Variants in MRPS6 observed in about 807,000 individuals in gnomAD.
MRPS6 encodes small ribosomal subunit protein bS6m.
Under a neutral mutation model 13.1 loss-of-function variants are expected in MRPS6, and 6 were observed. That is an observed-to-expected ratio of 0.46 (90% CI 0.25 to 0.91). MRPS6 has a LOEUF of 0.91. MRPS6 is among the 40% of genes least tolerant of loss of function. The pLI, the probability that MRPS6 is intolerant of heterozygous loss-of-function variation, is 0.18. For synonymous variants in MRPS6, 61 were observed against 56.5 expected, an observed-to-expected ratio of 1.08 and a Z score of -0.36; for missense variants, 164 against 155.6, an observed-to-expected ratio of 1.05 and a Z score of -0.29.
intron 1 of MRPS6, chr21:34,099,409 A>T (rs1602934284): frequency 1.0e-6 from 1 of 1,000,224 alleles, no homozygotes; most frequent in South Asian, 4.7e-5. Flanking sequence ...TTTCAAAGGA[A>T]CTGTTCTTCC....
intron 1 of MRPS6, chr21:34,097,171 T>C (rs755529407): frequency 1.2e-6 from 2 of 1,613,984 alleles, no homozygotes; most frequent in South Asian, 2.2e-5. Context: ...TGGAAGTTCA[T>C]AGACTGGTTT....
intron 1 of MRPS6, among the ~76,000 whole-genome samples, chr21:34,093,091 T>G (rs1356751249): frequency 6.6e-6 from 1 of 152,260 alleles, no homozygotes; most frequent in Non-Finnish European, 1.5e-5. Flanking sequence ...TTAGATTTTA[T>G]TAAAAATTTA....
intron 1 of MRPS6, among the ~76,000 whole-genome samples, chr21:34,073,980 G>C (rs1316677895): frequency 6.8e-6 from 1 of 146,276 alleles, no homozygotes; most frequent in Non-Finnish European, 1.5e-5. Context: ...GCGCGGTCCG[G>C]GAGGGTGTGC....
rs1980944619 is a variant in MRPS6 at position 34,142,622 on chromosome 21, C to T, written c.*22C>T. 6.4e-7 allele frequency: 1 copy of T among 1,573,044 alleles called. No individual in the cohort carries two copies. Among genetic ancestry groups the T allele is most frequent in the African/African-American group, 1.4e-5 (1 of 73,262 alleles). ...GTGAGAAGATTCGCCAGATTTTAGC[C>T]TTATATGTAATTCCTTCACATTTGG... On this transcript the variant is annotated 3_prime_UTR_variant, in exon 3 of 3. Transcript: ENST00000399312.
intron 1 of MRPS6, among the ~76,000 whole-genome samples, chr21:34,075,345 G>A (rs751476334): frequency 1.2e-4 from 18 of 152,138 alleles, no homozygotes; most frequent in Non-Finnish European, 2.2e-4. Context: ...CTTTGTTTTT[G>A]CCATAGTTGC....
chr21:34,096,793 T>C lies in MRPS6; in HGVS notation c.45+23048T>C. On this transcript the variant is annotated intron_variant, in intron 1 of 2. Transcript: ENST00000399312. This position sits in a 1 kb window ranked among gnomAD's most constrained non-coding sequence, Gnocchi z 5.9. ...CTCATTACTGTAATTGTGAGCCTTCTCACACCACCTCCCACAAAGGAACAG... is the reference window on the plus strand; with the variant it reads ...CTCATTACTGTAATTGTGAGCCTTCCCACACCACCTCCCACAAAGGAACAG... 6.2e-7 allele frequency: 1 copy of C among 1,614,056 alleles called. No individual in the cohort carries two copies. Among genetic ancestry groups the C allele is most frequent in the Non-Finnish European group, 8.5e-7 (1 of 1,179,976 alleles).
intron 1 of MRPS6, among the ~76,000 whole-genome samples, chr21:34,094,691 T>G (rs1978884276): frequency 6.6e-6 from 1 of 152,258 alleles, no homozygotes; most frequent in African/African-American, 2.4e-5. Context: ...AAGTATCAGC[T>G]GTGATCATAT....
chr21:34,079,303 T>C (rs1407000307), intron 1 of MRPS6, among the ~76,000 whole-genome samples: 1 of 152,212 alleles, frequency 6.6e-6, no homozygotes, highest in Non-Finnish European at 1.5e-5. Flanking sequence ...TTATATTTAT[T>C]ATCTAGTCCT....
chr21:34,105,897 AATTCTAACTTGTCT>A, intron 1 of MRPS6: 12 of 987,594 alleles, frequency 1.2e-5, no homozygotes, highest in Non-Finnish European at 1.5e-5. Flanking sequence ...AAATCATGAC[AATTCTAACTTGTCT>A]ATTCTAACCT....
chr21:34,077,313 GGAA>G (rs1232067271), intron 1 of MRPS6, among the ~76,000 whole-genome samples: 7 of 152,210 alleles, frequency 4.6e-5, no homozygotes, highest in African/African-American at 7.2e-5. Context: ...TGGGTATACA[GGAA>G]GAAGAAATCT....
intron 1 of MRPS6, among the ~76,000 whole-genome samples, chr21:34,081,383 C>T (rs2850032): frequency 6.6e-6 from 1 of 152,090 alleles, no homozygotes; most frequent in African/African-American, 2.4e-5. Context: ...TAATAAAATA[C>T]TTAAGGTACG....
chr21:34,092,814 C>G (rs1176439189), intron 1 of MRPS6, among the ~76,000 whole-genome samples: 1 of 152,138 alleles, frequency 6.6e-6, no homozygotes, highest in African/African-American at 2.4e-5. Context: ...GTTTTTCTCT[C>G]CCTTCTTTGG....
chr21:34,140,877 A>G (rs570489324), intron 2 of MRPS6, among the ~76,000 whole-genome samples: 1 of 151,986 alleles, frequency 6.6e-6, no homozygotes, highest in South Asian at 2.1e-4. Context: ...CTTGCTTTTG[A>G]TTAGTGTTTT....
At chr21:34,102,776 GA>G in intron 1 of MRPS6, 13 of 1,000,062 alleles carry the variant, frequency 1.3e-5, no homozygotes, top group Non-Finnish European at 1.6e-5. Context: ...CTATACCACT[GA>G]AAAGCACTAT....
intron 2 of MRPS6, among the ~76,000 whole-genome samples, chr21:34,134,757 C>G (rs1362514032): frequency 6.6e-6 from 1 of 152,074 alleles, no homozygotes; most frequent in Non-Finnish European, 1.5e-5. Context: ...CAGTAGAAGC[C>G]GTACTCAAAT....
intron 2 of MRPS6, among the ~76,000 whole-genome samples, chr21:34,129,610 A>G (rs1980430071): frequency 1.3e-5 from 2 of 152,196 alleles, no homozygotes; most frequent in Non-Finnish European, 2.9e-5. Flanking sequence ...AACCAGCTCC[A>G]TGGTGAATCA....
intron 1 of MRPS6, among the ~76,000 whole-genome samples, chr21:34,075,727 G>T (rs1989314476): frequency 6.6e-6 from 1 of 152,160 alleles, no homozygotes; most frequent in Admixed American, 6.5e-5. Context: ...TCAGTTATTT[G>T]TTCAAAAACC....
intron 1 of MRPS6, chr21:34,100,468 G>GTA: frequency 1.0e-6 from 1 of 1,000,198 alleles, no homozygotes; most frequent in Non-Finnish European, 1.2e-6. Flanking sequence ...TCAAGCAATA[G>GTA]CAATGGTGCT....
chr21:34,113,606 C>T (rs1003131902), intron 1 of MRPS6, among the ~76,000 whole-genome samples: 1 of 152,190 alleles, frequency 6.6e-6, no homozygotes, highest in African/African-American at 2.4e-5. Context: ...CATCAGGTGC[C>T]TTCCTCCCAC....
Sources: gnomAD v4.1 joint callset for allele counts (sites outside exome capture counted in the v4.1 genomes callset) on GRCh38, gnomAD v4.1.1 for gene constraint, Gnocchi (gnomAD v3.1) non-coding constraint, MANE v1.5 for transcripts, NCBI Gene and HGNC (gene_info 2026-07-23, HGNC 2026-07-21) for gene names.